The following CHD4 variants were observed in gnomAD, a reference collection of about 807,000 sequenced individuals.
CHD4 encodes chromodomain helicase DNA binding protein 4.
Under a neutral mutation model 235.5 loss-of-function variants are expected in CHD4, and 35 were observed. The ratio of observed to expected loss-of-function variants is 0.15; its 90% CI spans 0.11 to 0.20. The LOEUF (loss-of-function observed/expected upper bound fraction) is 0.20. CHD4 is among the 10% of genes least tolerant of loss of function. The pLI, the probability that CHD4 is intolerant of heterozygous loss-of-function variation, is 1.00. For missense variants in CHD4, 1,329 were observed against 2,432.3 expected (o/e 0.55, Z 9.54); for synonymous variants, 900 against 850.2 (o/e 1.06, Z -1.02).
At chr12:6,589,664 G>A (rs1186170195) in intron 22 of CHD4, among the ~76,000 whole-genome samples, 1 of 151,808 alleles carries the variant, frequency 6.6e-6, no homozygotes, top group Non-Finnish European at 1.5e-5. Flanking sequence ...CTACTCGGGA[G>A]GCTGAGGCAG....
intron 11 of CHD4, 24 bp downstream of exon 11, chr12:6,598,198 A>AT: frequency 2.5e-6 from 4 of 1,609,632 alleles, no homozygotes; most frequent in Non-Finnish European, 3.4e-6. Context: ...TAGCCCCTAC[A>AT]TCTCCAGACT....
At chr12:6,581,558 G>A (rs1272670894) in intron 31 of CHD4, 91 bp downstream of exon 31, 3 of 1,582,324 alleles carry the variant, frequency 1.9e-6, no homozygotes, top group Admixed American at 1.7e-5. Context: ...TGTCCTGCCA[G>A]ACTACCCTGT....
At chr12:6,582,785 T>C (rs1171560904) in intron 28 of CHD4, 37 bp from the exon 29 acceptor site, 1 of 1,614,070 alleles carries the variant, frequency 6.2e-7, no homozygotes, top group Non-Finnish European at 8.5e-7. Flanking sequence ...AGGCAGCAGG[T>C]CGCATTCCAC....
At chr12:6,575,319 A>C (rs537747859) in intron 37 of CHD4, among the ~76,000 whole-genome samples, 30 of 152,170 alleles carry the variant, frequency 2.0e-4, no homozygotes, top group African/African-American at 7.2e-4. Context: ...ATGGTGGTAC[A>C]TGCCTGTAAT....
intron 23 of CHD4, 36 bp downstream of exon 23, chr12:6,588,262 T>C (rs910608787): frequency 1.9e-6 from 3 of 1,607,714 alleles, no homozygotes; most frequent in Non-Finnish European, 2.6e-6. Flanking sequence ...TAGCATAACA[T>C]GTTACTTATT....
intron 31 of CHD4, 129 bp from the exon 32 acceptor site, chr12:6,581,517 G>T (rs139854365): frequency 4.0e-6 from 6 of 1,511,222 alleles, no homozygotes; most frequent in East Asian, 4.5e-5. Context: ...TTCTTAGGAC[G>T]GCCCTCCTAA....
intron 2 of CHD4, 77 bp downstream of exon 2, chr12:6,606,197 C>T: frequency 1.0e-6 from 1 of 986,814 alleles, no homozygotes. Context: ...GCAACACAGC[C>T]CTGCCTCACC....
chr12:6,573,091 T>C lies in CHD4; in HGVS notation c.5540A>G (p.Asn1847Ser). Residue 1847 changes from asparagine (N) to serine (S), a missense_variant, in exon 38 of 40, where the codon AAT (asparagine) becomes AGT (serine). By Grantham distance (46) the Asn-to-Ser change is conservative. Around this residue, in one of 26 missense-constraint regions of CHD4, gnomAD observed 135 missense variants for 282.3 expected, o/e 0.48. Transcript: ENST00000544040. ...KESMAGNKPA[N>S]AVLHKVLKQL... ...CTGGCTACCTTTGTGCAGGACTGCATTGGCTGGCTTGTTTCCTGCCATTGA... is the reference window on the plus strand; with the variant it reads ...CTGGCTACCTTTGTGCAGGACTGCACTGGCTGGCTTGTTTCCTGCCATTGA... The C allele has an allele frequency of 6.2e-7, 1 of 1,609,798 alleles. No homozygotes were observed. The highest frequency in any genetic ancestry group is 1.3e-5 in the African/African-American group (1 of 74,776).
At chr12:6,606,481 ACAGT>A (rs1396997835) in intron 1 of CHD4, 30 bp from the exon 2 acceptor site, 4 of 585,170 alleles carry the variant, frequency 6.8e-6, no homozygotes, top group Non-Finnish European at 1.2e-5. Context: ...GAAACACAGA[ACAGT>A]CAGTGACGCG....
intron 38 of CHD4, chr12:6,571,639 A>T (rs1947971988): frequency 6.6e-6 from 1 of 152,400 alleles, no homozygotes; most frequent in African/African-American, 2.4e-5. Context: ...TAGGCTAACC[A>T]ACATGGAGAA....
intron 2 of CHD4, among the ~76,000 whole-genome samples, chr12:6,604,099 A>G (rs1057056061): frequency 1.3e-5 from 2 of 152,086 alleles, no homozygotes; most frequent in African/African-American, 4.8e-5. Flanking sequence ...ACATGGTGAA[A>G]CCCTGTCTCT....
Position 6,570,852 on chromosome 12 carries a change from G to T in CHD4, c.5721+17C>A, listed in dbSNP as rs1947953764. On this transcript the variant is annotated intron_variant, in intron 39 of 39. Coordinates refer to ENST00000544040, the MANE Select transcript of CHD4 (RefSeq NM_001273.5). ...GTTCTGCAGGAAGAGGTGGTGTCAA[G>T]AAGAAAATGGTCCTACCTGCTGTGG... 6.2e-7 allele frequency: 1 copy of T among 1,613,814 alleles called. No homozygotes were observed. Among genetic ancestry groups the T allele is most frequent in the Non-Finnish European group, 8.5e-7 (1 of 1,179,840 alleles).
chr12:6,582,475 C>A (rs1280673821), intron 29 of CHD4, 140 bp downstream of exon 29: 1 of 1,358,716 alleles, frequency 7.4e-7, no homozygotes, highest in East Asian at 2.3e-5. Flanking sequence ...GCTAGGAACA[C>A]ATTACTAACA....
chr12:6,573,582 T>C (rs1306165999), intron 37 of CHD4, among the ~76,000 whole-genome samples: 1 of 152,172 alleles, frequency 6.6e-6, no homozygotes, highest in African/African-American at 2.4e-5. Flanking sequence ...TAGAAATACA[T>C]CCTGATATTT....
At chr12:6,594,055 G>A (rs1248168759) in intron 15 of CHD4, among the ~76,000 whole-genome samples, 3 of 152,154 alleles carry the variant, frequency 2.0e-5, no homozygotes, top group East Asian at 1.9e-4. Flanking sequence ...GGCTGGTCTC[G>A]AACTCCTGAC....
rs374465950 is a variant in CHD4, at chr12:6,583,267, G to T, written c.3991C>A (p.Arg1331=). Residue 1331 remains arginine, a synonymous_variant, in exon 26 of 40, where the codon CGA becomes AGA. Coordinates refer to ENST00000544040, the MANE Select transcript of CHD4 (RefSeq NM_001273.5). ...ATTCTTTTTCCTTTGCCCAGATTTCGGGCTAGATCTTCTTGCTGCTGCTCA... is the reference window on the plus strand; with the variant it reads ...ATTCTTTTTCCTTTGCCCAGATTTCTGGCTAGATCTTCTTGCTGCTGCTCA... ...HYEQQQEDLA[R]NLGKGKRIRK... is the part of the protein sequence containing the mutation. 3.7e-6 allele frequency: 6 copies of T among 1,614,088 alleles called. No individual in the cohort carries two copies. Among genetic ancestry groups the T allele is most frequent in the Non-Finnish European group, 5.1e-6 (6 of 1,180,038 alleles).
At chr12:6,597,686 A>C (rs1485551177) in intron 12 of CHD4, among the ~76,000 whole-genome samples, 1 of 152,032 alleles carries the variant, frequency 6.6e-6, no homozygotes, top group Non-Finnish European at 1.5e-5. Context: ...TAATCACTTG[A>C]ATCTGGGAGG....
At chr12:6,597,522 G>A (rs895473498) in intron 12 of CHD4, among the ~76,000 whole-genome samples, 1 of 152,010 alleles carries the variant, frequency 6.6e-6, no homozygotes, top group Admixed American at 6.6e-5. Context: ...CTAGCACTTA[G>A]GGAGGCCAAG....
intron 1 of CHD4, 167 bp from the exon 2 acceptor site, chr12:6,606,618 G>A (rs1162285813): frequency 7.6e-6 from 3 of 393,386 alleles, no homozygotes; most frequent in Admixed American, 4.7e-5. Context: ...CCCGGAAGCC[G>A]GCTCCCCGGC....
Sources: gnomAD v4.1 joint callset for allele counts (sites outside exome capture counted in the v4.1 genomes callset) on GRCh38, gnomAD v4.1.1 for gene constraint, gnomAD v4.1.1 regional missense constraint, MANE v1.5 for transcripts, NCBI Gene and HGNC (gene_info 2026-07-23, HGNC 2026-07-21) for gene names.